Variants in KCNQ3 observed in about 807,000 individuals in gnomAD.
KCNQ3 encodes the protein potassium voltage-gated channel subfamily Q member 3.
Under a neutral mutation model 92.5 loss-of-function variants are expected in KCNQ3, and 30 were observed. The observed-to-expected ratio is 0.32, with a 90% confidence interval of 0.24 to 0.44. The LOEUF is 0.44. KCNQ3 is among the 20% of genes least tolerant of loss of function. The probability of loss-of-function intolerance (pLI) is 1.00; values close to 1 mark genes in which losing one functional copy is unlikely to be tolerated. For missense variants in KCNQ3, 913 were observed against 1,140.3 expected, an observed-to-expected ratio of 0.80 and a Z score of 2.87; for synonymous variants, 450 against 468.8, an observed-to-expected ratio of 0.96 and a Z score of 0.52.
In KCNQ3 at chr8:132,469,392, C is replaced by T. The variant is rs7003977; in HGVS notation, c.386+10755G>A. Among the ~76,000 whole-genome samples, 683 of 152,300 alleles carry T rather than the reference C, an allele frequency of 4.5e-3. 6 individuals are homozygous for T. Among genetic ancestry groups the T allele is most frequent in the African/African-American group, 0.016 (649 of 41,568 alleles). On this transcript the variant is annotated intron_variant, in intron 1 of 14. Coordinates refer to ENST00000388996, the MANE Select transcript of KCNQ3 (RefSeq NM_004519.4). ...GCTCTCTCACACATTGTGACTGTTACACCAATTATATGCAGCAGGTATTGC... is the reference window on the plus strand; with the variant it reads ...GCTCTCTCACACATTGTGACTGTTATACCAATTATATGCAGCAGGTATTGC...
intron 1 of KCNQ3, among the ~76,000 whole-genome samples, chr8:132,274,287 T>C (rs1188131432): frequency 1.3e-5 from 2 of 152,160 alleles, no homozygotes; most frequent in Admixed American, 1.3e-4. Flanking sequence ...AAGAGAGAGC[T>C]TATGCATAGG....
intron 9 of KCNQ3, among the ~76,000 whole-genome samples, chr8:132,153,483 G>A (rs1214986490): frequency 6.6e-6 from 1 of 152,088 alleles, no homozygotes; most frequent in African/African-American, 2.4e-5. Context: ...CAAGCTTTGG[G>A]TCAAAGCCCT....
chr8:132,373,447 T>G (rs901978747), intron 1 of KCNQ3, among the ~76,000 whole-genome samples: 4 of 152,104 alleles, frequency 2.6e-5, no homozygotes, highest in Non-Finnish European at 4.4e-5. Flanking sequence ...GTTTATCAAG[T>G]GCTTTTTCTC....
At chr8:132,379,226 G>C (rs1223951398) in intron 1 of KCNQ3, among the ~76,000 whole-genome samples, 1 of 152,114 alleles carries the variant, frequency 6.6e-6, no homozygotes, top group Non-Finnish European at 1.5e-5. Flanking sequence ...CTATTTGCAA[G>C]TACTTTATCA....
At chr8:132,300,225 G>A (rs936767103) in intron 1 of KCNQ3, among the ~76,000 whole-genome samples, 4 of 152,178 alleles carry the variant, frequency 2.6e-5, no homozygotes, top group Non-Finnish European at 5.9e-5. Context: ...TCTGTCATGG[G>A]AGGTGACACC....
chr8:132,230,899 T>C (rs1013472828), intron 1 of KCNQ3, among the ~76,000 whole-genome samples: 2 of 152,202 alleles, frequency 1.3e-5, no homozygotes, highest in African/African-American at 4.8e-5. Flanking sequence ...TAATCCACAG[T>C]ACCTCAGAAT....
intron 2 of KCNQ3, among the ~76,000 whole-genome samples, chr8:132,185,168 C>T (rs184759287): frequency 2.0e-5 from 3 of 152,316 alleles, no homozygotes; most frequent in Admixed American, 1.3e-4. Context: ...AGCTCTGGGA[C>T]GTGCTGTTGC....
At chr8:132,164,017 CAGTT>C (rs1229883258) in intron 8 of KCNQ3, among the ~76,000 whole-genome samples, 1 of 152,156 alleles carries the variant, frequency 6.6e-6, no homozygotes, top group Non-Finnish European at 1.5e-5. Flanking sequence ...CAAGGGCTCA[CAGTT>C]AGGAGGCAGC....
At position 132,125,619 on chromosome 8, in the gene KCNQ3, G is replaced by A. The variant is rs1342063079; in HGVS notation, c.*3643C>T. The stretch of plus-strand genomic sequence containing the variant: ...TATGAGGATGATTTTGCCAAATTAT[G>A]AGTAGGTCCTATTAGATTAGGTTTT... On this transcript the variant is annotated 3_prime_UTR_variant, in exon 15 of 15. Coordinates refer to ENST00000388996, the MANE Select transcript of KCNQ3 (RefSeq NM_004519.4). 1.3e-5 allele frequency: 2 copies of A among 152,176 alleles called. No individual in the cohort carries two copies. The highest frequency in any genetic ancestry group is 4.8e-5 in the African/African-American group (2 of 41,438). The allele number at this position is 152,176 out of a possible 1,614,324, so 9.4% of individuals were successfully genotyped here. A position where few individuals can be genotyped will look rare whatever the true frequency, so the allele number is the denominator to read the frequency against.
intron 1 of KCNQ3, among the ~76,000 whole-genome samples, chr8:132,471,123 G>A (rs1822290245): frequency 6.6e-6 from 1 of 152,128 alleles, no homozygotes; most frequent in East Asian, 1.9e-4. Flanking sequence ...TCAAAATGTG[G>A]TCAGCAGAGT....
In KCNQ3 at chr8:132,411,181, A is replaced by G. The variant is rs907693285; in HGVS notation, c.386+68966T>C. On this transcript the variant is annotated intron_variant, in intron 1 of 14. Coordinates refer to ENST00000388996, the MANE Select transcript of KCNQ3 (RefSeq NM_004519.4). ...CTGAGGAGGTGAGAATGAGAGTGTTATTTTAAGAGAAATTGTTTGGCACCT... is the reference window on the plus strand; with the variant it reads ...CTGAGGAGGTGAGAATGAGAGTGTTGTTTTAAGAGAAATTGTTTGGCACCT... Among the ~76,000 whole-genome samples the G allele has an allele frequency of 2.0e-5, 3 of 152,198 alleles. No homozygotes were observed. In the East Asian group the frequency reaches 5.8e-4, roughly 29 times the overall value.
chr8:132,230,248 T>G (rs1480920243), intron 1 of KCNQ3, among the ~76,000 whole-genome samples: 1 of 152,148 alleles, frequency 6.6e-6, no homozygotes, highest in Non-Finnish European at 1.5e-5. Flanking sequence ...AGTCCTCATT[T>G]GCAAACTGAC....
chr8:132,420,372 A>G (rs1272583777), intron 1 of KCNQ3, among the ~76,000 whole-genome samples: 2 of 152,054 alleles, frequency 1.3e-5, no homozygotes, highest in Non-Finnish European at 2.9e-5. Context: ...GCCTTAGAAA[A>G]CATCACTGCA....
At chr8:132,455,660 T>C (rs1821922091) in intron 1 of KCNQ3, among the ~76,000 whole-genome samples, 1 of 152,260 alleles carries the variant, frequency 6.6e-6, no homozygotes, top group Admixed American at 6.5e-5. Context: ...ACACTCTCAT[T>C]GTGCCCAGCA....
intron 1 of KCNQ3, among the ~76,000 whole-genome samples, chr8:132,313,090 A>G (rs1817642291): frequency 6.6e-6 from 1 of 152,222 alleles, no homozygotes; most frequent in Non-Finnish European, 1.5e-5. Flanking sequence ...GGCCAACAGC[A>G]ATCCACGTAA....
chr8:132,214,982 C>T (rs1240795203), intron 1 of KCNQ3, among the ~76,000 whole-genome samples: 8 of 152,238 alleles, frequency 5.3e-5, no homozygotes, highest in Non-Finnish European at 1.2e-4. Context: ...TGCCGGACTC[C>T]TTTCTGGGAC....
chr8:132,335,791 T>C (rs558382476), intron 1 of KCNQ3, among the ~76,000 whole-genome samples: 1 of 152,170 alleles, frequency 6.6e-6, no homozygotes, highest in African/African-American at 2.4e-5. Flanking sequence ...AGAAGCAAAG[T>C]TGGGGAAAAG....
chr8:132,454,357 G>C (rs1321941515), intron 1 of KCNQ3, among the ~76,000 whole-genome samples: 2 of 152,192 alleles, frequency 1.3e-5, no homozygotes, highest in Non-Finnish European at 2.9e-5. Context: ...TTAAAATTAT[G>C]TACAGTGTGC....
At chr8:132,299,694 G>T (rs1284672420) in intron 1 of KCNQ3, among the ~76,000 whole-genome samples, 1 of 152,304 alleles carries the variant, frequency 6.6e-6, no homozygotes, top group South Asian at 2.1e-4. Context: ...ACATGCCCTG[G>T]TTTTGGAAAA....
Sources: gnomAD v4.1 joint callset for allele counts (sites outside exome capture counted in the v4.1 genomes callset) on GRCh38, gnomAD v4.1.1 for gene constraint, MANE v1.5 for transcripts, NCBI Gene and HGNC (gene_info 2026-07-23, HGNC 2026-07-21) for gene names.